PALS1: variants seen among roughly 807,000 people sequenced by gnomAD.
The protein encoded by PALS1 is protein associated with LIN7 1, MAGUK p55 family member.
PALS1 carries 31 observed loss-of-function variants against 78.9 expected under a neutral mutation model. The observed-to-expected ratio is 0.39, with a 90% confidence interval of 0.30 to 0.53. The LOEUF (loss-of-function observed/expected upper bound fraction) is 0.53, where lower values mean the gene tolerates loss of function less well. Ranked by LOEUF, PALS1 falls within the 20% of genes least tolerant of loss-of-function variation. The pLI is 0.67. For missense variants in PALS1, 704 were observed against 826.5 expected (o/e 0.85, Z 1.82); for synonymous variants, 276 against 270.9 (o/e 1.02, Z -0.18).
At chr14:67,319,084 A>G (rs1233081171) in intron 11 of PALS1, among the ~76,000 whole-genome samples, 1 of 151,966 alleles carries the variant, frequency 6.6e-6, no homozygotes. Context: ...TTTAGATATT[A>G]AAGTGATTTG....
chr14:67,263,614 G>A (rs945216272), intron 1 of PALS1, among the ~76,000 whole-genome samples: 2 of 152,168 alleles, frequency 1.3e-5, no homozygotes, highest in African/African-American at 4.8e-5. Context: ...CTGTTCTGAT[G>A]TCATACAGAC....
intron 1 of PALS1, among the ~76,000 whole-genome samples, chr14:67,251,075 A>G (rs2084056141): frequency 6.6e-6 from 1 of 152,228 alleles, no homozygotes; most frequent in African/African-American, 2.4e-5. Flanking sequence ...TAGTCCTATT[A>G]TAAGTGATAG....
At chr14:67,258,622 A>G (rs927778561) in intron 1 of PALS1, among the ~76,000 whole-genome samples, 1 of 152,106 alleles carries the variant, frequency 6.6e-6, no homozygotes, top group African/African-American at 2.4e-5. Context: ...AGGTTTCACT[A>G]TCTTGCCCAG....
rs114307487 is a variant in PALS1, at chr14:67,336,037, T to A, written c.*3081T>A. ...TTAATTATTAAAACCAACAACTAAG[T>A]GTATTAAAGATGGACAACGCAAGGC... On this transcript the variant is annotated 3_prime_UTR_variant, in exon 15 of 15. Coordinates refer to ENST00000261681, the MANE Select transcript of PALS1 (RefSeq NM_022474.4). Among the ~76,000 whole-genome samples the A allele has an allele frequency of 5.2e-3, 793 of 152,262 alleles. 8 individuals carry two copies. The highest frequency in any genetic ancestry group is 0.018 in the African/African-American group (750 of 41,532).
At chr14:67,255,783 G>C (rs941295494) in intron 1 of PALS1, among the ~76,000 whole-genome samples, 1 of 152,160 alleles carries the variant, frequency 6.6e-6, no homozygotes, top group Non-Finnish European at 1.5e-5. Context: ...ACCCACCGGG[G>C]TTCAAACAAT....
Sources: gnomAD v4.1 joint callset for allele counts (sites outside exome capture counted in the v4.1 genomes callset) on GRCh38, gnomAD v4.1.1 for gene constraint, MANE v1.5 for transcripts, NCBI Gene and HGNC (gene_info 2026-07-23, HGNC 2026-07-21) for gene names.